Variants in OR2L13 observed in about 807,000 individuals in gnomAD.
The protein encoded by OR2L13 is olfactory receptor family 2 subfamily L member 13.
In OR2L13, 14 loss-of-function variants were observed where a neutral mutation model predicts 15.3. The ratio of observed to expected loss-of-function variants is 0.91; its 90% CI spans 0.60 to 1.43. The LOEUF is 1.43. Among genes scored for constraint, OR2L13 ranks in the 40% most tolerant of loss-of-function variants. The pLI is 0.00. For missense variants in OR2L13, 367 were observed against 387.9 expected (o/e 0.95, Z 0.45); for synonymous variants, 152 against 142.9 (o/e 1.06, Z -0.45).
At chr1:248,025,960 G>A in the OR2L13 span, among the ~76,000 whole-genome samples, 1 of 140,938 alleles carries the variant, frequency 7.1e-6, no homozygotes, top group Non-Finnish European at 1.5e-5. Flanking sequence ...GAGGTGGGGG[G>A]AGGGGGGAAG....
At chr1:248,061,700 C>A in the OR2L13 span, 2 of 1,290,834 alleles carry the variant, frequency 1.5e-6, no homozygotes, top group Non-Finnish European at 1.0e-6. Context: ...TTATTTCAAT[C>A]CTAGAGTTCA....
At chr1:247,956,160 A>G in the OR2L13 span, among the ~76,000 whole-genome samples, 2 of 150,692 alleles carry the variant, frequency 1.3e-5, no homozygotes, top group African/African-American at 4.9e-5. Flanking sequence ...CTTTCTACAT[A>G]TGGCTAGCCA....
the OR2L13 span, among the ~76,000 whole-genome samples, chr1:247,959,201 A>G: frequency 7.2e-5 from 11 of 152,016 alleles, no homozygotes; most frequent in South Asian, 1.9e-3. Flanking sequence ...TTCACTTATG[A>G]AGCTTAGTTT....
At chr1:248,034,692 C>T in the OR2L13 span, among the ~76,000 whole-genome samples, 13 of 152,116 alleles carry the variant, frequency 8.5e-5, no homozygotes, top group Non-Finnish European at 1.6e-4. Flanking sequence ...CCTTTTACTT[C>T]CTTGGTTAGG....
the OR2L13 span, chr1:248,038,343 G>T: frequency 6.2e-7 from 1 of 1,613,320 alleles, no homozygotes; most frequent in Non-Finnish European, 8.5e-7. Context: ...TGGCCTTTTC[G>T]TATTCACCCT....
the OR2L13 span, chr1:247,939,606 A>G: frequency 1.3e-5 from 2 of 152,164 alleles, no homozygotes; most frequent in African/African-American, 4.8e-5. Context: ...GCAACATTCT[A>G]CATAAAAAAA....
the OR2L13 span, among the ~76,000 whole-genome samples, chr1:248,083,106 G>C: frequency 1.3e-5 from 2 of 152,104 alleles, no homozygotes; most frequent in African/African-American, 4.8e-5. Context: ...AGTTACATTT[G>C]AGTTGTGTAC....
chr1:248,038,656 A>G, the OR2L13 span: 23 of 1,613,944 alleles, frequency 1.4e-5, no homozygotes, highest in African/African-American at 2.9e-4. Context: ...TTTCCTCTCC[A>G]CTATCCCATC....
At chr1:248,047,662 A>T in the OR2L13 span, among the ~76,000 whole-genome samples, 3 of 152,184 alleles carry the variant, frequency 2.0e-5, no homozygotes, top group African/African-American at 7.2e-5. Flanking sequence ...TTCCAGTGAA[A>T]TTATAGAAAT....
the OR2L13 span, among the ~76,000 whole-genome samples, chr1:248,058,488 T>C: frequency 6.6e-6 from 1 of 152,166 alleles, no homozygotes; most frequent in Admixed American, 6.6e-5. Flanking sequence ...TTATGGAATT[T>C]ATTGCTACAA....
chr1:247,969,163 A>T, the OR2L13 span, among the ~76,000 whole-genome samples: 3 of 152,022 alleles, frequency 2.0e-5, no homozygotes, highest in South Asian at 6.2e-4. Context: ...GTGTCTGCTC[A>T]TATCCTTTGC....
chr1:248,045,963 A>G, the OR2L13 span: 1 of 152,166 alleles, frequency 6.6e-6, no homozygotes, highest in Non-Finnish European at 1.5e-5. Context: ...TTTATCAATC[A>G]ATACATGTTT....
chr1:248,098,313 C>T (rs1357264460), intron 1 of OR2L13, among the ~76,000 whole-genome samples: 1 of 152,170 alleles, frequency 6.6e-6, no homozygotes, highest in Non-Finnish European at 1.5e-5. Context: ...AACATAAATT[C>T]AGTGAACACT....
At chr1:248,068,381 C>G in the OR2L13 span, among the ~76,000 whole-genome samples, 1 of 152,192 alleles carries the variant, frequency 6.6e-6, no homozygotes, top group African/African-American at 2.4e-5. Flanking sequence ...GGTACCCAGG[C>G]AAACAGGGTC....
the OR2L13 span, chr1:248,038,436 C>T: frequency 7.9e-5 from 127 of 1,613,658 alleles, no homozygotes; most frequent in Non-Finnish European, 1.0e-4. Context: ...TCTCCACACA[C>T]CTATGTATTT....
the OR2L13 span, among the ~76,000 whole-genome samples, chr1:247,978,351 C>A: frequency 6.6e-6 from 1 of 152,176 alleles, no homozygotes; most frequent in African/African-American, 2.4e-5. Context: ...GGGCGTGTAA[C>A]AATCCTCCTC....
the OR2L13 span, among the ~76,000 whole-genome samples, chr1:248,076,593 A>G: frequency 6.6e-6 from 1 of 152,030 alleles, no homozygotes; most frequent in Admixed American, 6.6e-5. Context: ...TAGATATTTT[A>G]TTCTCTTTGT....
chr1:248,003,095 C>A, the OR2L13 span: 1 of 1,005,764 alleles, frequency 9.9e-7, no homozygotes, highest in South Asian at 1.4e-5. Context: ...TTAACTTACT[C>A]GTGTCTCCCT....
chr1:247,950,344 G>A, the OR2L13 span, among the ~76,000 whole-genome samples: 121 of 152,224 alleles, frequency 7.9e-4, 2 homozygotes, highest in Non-Finnish European at 1.2e-4. Context: ...ATACCACTCT[G>A]GATGGCCTGT....
Sources: allele counts gnomAD v4.1 joint callset (sites outside exome capture counted in the v4.1 genomes callset), GRCh38; gene constraint gnomAD v4.1.1; transcripts MANE v1.5; gene names NCBI Gene and HGNC (gene_info 2026-07-23, HGNC 2026-07-21).